The following PTPRR variants were observed in gnomAD, a reference collection of about 807,000 sequenced individuals.
The protein encoded by PTPRR is protein tyrosine phosphatase receptor type R.
Under a neutral mutation model 77.2 loss-of-function variants are expected in PTPRR, and 38 were observed. The observed-to-expected ratio is 0.49, with a 90% CI of 0.38 to 0.65. The LOEUF (loss-of-function observed/expected upper bound fraction) is 0.65. PTPRR is among the 30% of genes least tolerant of loss of function. The pLI is 0.00. For missense variants in PTPRR, 744 were observed against 799.2 expected, an observed-to-expected ratio of 0.93 and a Z score of 0.83; for synonymous variants, 299 against 283.1, an observed-to-expected ratio of 1.06 and a Z score of -0.57.
At chr12:70,837,072 A>G (rs1330863679) in intron 2 of PTPRR, among the ~76,000 whole-genome samples, 6 of 152,112 alleles carry the variant, frequency 3.9e-5, no homozygotes, top group Admixed American at 3.3e-4. Context: ...GTTAAGGTCA[A>G]TGAAGCCAGA....
At chr12:70,716,845 C>T (rs933111097) in intron 6 of PTPRR, among the ~76,000 whole-genome samples, 2 of 152,102 alleles carry the variant, frequency 1.3e-5, no homozygotes, top group Non-Finnish European at 2.9e-5. Flanking sequence ...AGTCCCTGTC[C>T]CATAAAATAA....
At chr12:70,719,093 A>G (rs1889143330) in intron 6 of PTPRR, among the ~76,000 whole-genome samples, 2 of 152,178 alleles carry the variant, frequency 1.3e-5, no homozygotes, top group Non-Finnish European at 2.9e-5. Flanking sequence ...ACAAATTCCC[A>G]AAGTTCTTCA....
chr12:70,686,175 A>G (rs1441932813), intron 8 of PTPRR, among the ~76,000 whole-genome samples: 3 of 152,200 alleles, frequency 2.0e-5, no homozygotes, highest in Non-Finnish European at 4.4e-5. Flanking sequence ...ATATTTTTTT[A>G]GTAACACACT....
chr12:70,685,349 C>T (rs961434582), intron 8 of PTPRR, among the ~76,000 whole-genome samples: 14 of 151,746 alleles, frequency 9.2e-5, no homozygotes, highest in Non-Finnish European at 1.9e-4. Context: ...TAAAGATAAA[C>T]ATGATTCATT....
intron 1 of PTPRR, among the ~76,000 whole-genome samples, chr12:70,918,507 G>T (rs1893807051): frequency 6.6e-6 from 1 of 152,122 alleles, no homozygotes. Context: ...CCCTTTGGCA[G>T]AACTCCAGGT....
rs1290926956 is a variant in PTPRR, at chr12:70,754,296, A to T, written c.633T>A (p.Asn211Lys). 1.3e-5 allele frequency: 21 copies of T among 1,613,080 alleles called. No individual in the cohort carries two copies. The highest frequency in any genetic ancestry group is 1.8e-5 in the Non-Finnish European group (21 of 1,179,662). ...CCGCTTCATGCTGCCCTTGTAAAAC[A>T]TTTTTCTTTAAAAGCAAAACAGAAA... is the stretch of plus-strand genomic sequence containing the variant. Reference protein sequence around the residue: ...FGITEVSPEKNVLQGQHEADK... With the variant: ...FGITEVSPEKKVLQGQHEADK... Residue 211 changes from asparagine (N) to lysine (K), a missense_variant, in exon 5 of 14, where the codon AAT becomes AAA. By Grantham distance (94) the Asn-to-Lys change is moderately conservative. Around this residue, in one of 3 missense-constraint regions of PTPRR, gnomAD observed 570 missense variants for 573.2 expected, o/e 0.99. Coordinates refer to ENST00000283228, the MANE Select transcript of PTPRR (RefSeq NM_002849.4).
intron 6 of PTPRR, among the ~76,000 whole-genome samples, chr12:70,717,403 T>G (rs1889072153): frequency 6.6e-6 from 1 of 152,142 alleles, no homozygotes; most frequent in South Asian, 2.1e-4. Context: ...ACCAGTGACA[T>G]TTCATTCTGA....
chr12:70,829,266 A>AAATG (rs1206693876), intron 2 of PTPRR, among the ~76,000 whole-genome samples: 13 of 152,046 alleles, frequency 8.6e-5, no homozygotes, highest in Admixed American at 7.2e-4. Flanking sequence ...ATAAATAAAT[A>AAATG]AATAAATAAA....
intron 12 of PTPRR, among the ~76,000 whole-genome samples, chr12:70,659,274 G>A (rs1210800558): frequency 3.3e-5 from 5 of 152,052 alleles, no homozygotes; most frequent in African/African-American, 7.2e-5. Flanking sequence ...CCATGGTGGC[G>A]GTGAGAGCAT....
chr12:70,687,265 T>C (rs1359838307), intron 8 of PTPRR, among the ~76,000 whole-genome samples: 1 of 151,290 alleles, frequency 6.6e-6, no homozygotes, highest in East Asian at 1.9e-4. Flanking sequence ...GTTGAAAATA[T>C]ATAGTAAAAT....
At chr12:70,786,664 T>C (rs747965262) in intron 2 of PTPRR, among the ~76,000 whole-genome samples, 2 of 152,338 alleles carry the variant, frequency 1.3e-5, no homozygotes, top group Non-Finnish European at 2.9e-5. Flanking sequence ...AAGTGTGTTA[T>C]ACATTTCCTT....
chr12:70,704,282 G>A (rs1424018746), intron 6 of PTPRR, among the ~76,000 whole-genome samples: 1 of 152,012 alleles, frequency 6.6e-6, no homozygotes. Context: ...GCTAAGTGTT[G>A]TGGTGCTTGC....
chr12:70,671,885 C>T (rs1288008466), intron 10 of PTPRR: 8 of 704,262 alleles, frequency 1.1e-5, no homozygotes, highest in South Asian at 1.8e-5. Flanking sequence ...ACTAACCCAG[C>T]GCAGGAGGAC....
In PTPRR at chr12:70,811,853, A is replaced by G. The variant is rs532261896; in HGVS notation, c.358-47075T>C. Among the ~76,000 whole-genome samples the G allele has an allele frequency of 4.7e-4, 71 of 152,318 alleles. No individual in the cohort carries two copies. In the South Asian group the frequency reaches 0.015, roughly 31 times the overall value. ...TAAGGCCCAATTCTACTGCTAAAAC[A>G]TTATTCATTGTGTTTTCTTGTACAG... On this transcript the variant is annotated intron_variant, in intron 2 of 13. Transcript: ENST00000283228.
At chr12:70,780,859 G>A (rs1431564558) in intron 2 of PTPRR, among the ~76,000 whole-genome samples, 1 of 152,120 alleles carries the variant, frequency 6.6e-6, no homozygotes, top group Admixed American at 6.6e-5. Flanking sequence ...AAGATAGTGG[G>A]GCATGTGCAG....
intron 2 of PTPRR, among the ~76,000 whole-genome samples, chr12:70,834,106 A>G (rs1039501713): frequency 1.3e-5 from 2 of 152,166 alleles, no homozygotes; most frequent in African/African-American, 4.8e-5. Flanking sequence ...GGCACCAGAG[A>G]CACCTTTGCT....
rs550722217 is a variant in PTPRR, at chr12:70,703,848, C to CTCT, written c.1008-2528_1008-2526dup. Among the ~76,000 whole-genome samples the CTCT allele has an allele frequency of 2.4e-3, 372 of 152,240 alleles. 3 individuals carry two copies. The highest frequency in any genetic ancestry group is 8.5e-3 in the African/African-American group (353 of 41,540). On this transcript the variant is annotated intron_variant, in intron 6 of 13. Coordinates refer to ENST00000283228, the MANE Select transcript of PTPRR (RefSeq NM_002849.4). Reference sequence around the variant, plus strand: ...ATGCTTGTGCTATAGATGGTGAGATCTCTTCCATCTGGAGTGGTCAGAGCA... The same window carrying CTCT: ...ATGCTTGTGCTATAGATGGTGAGATCTCTTCTTCCATCTGGAGTGGTCAGAGCA...
intron 10 of PTPRR, chr12:70,673,053 A>G: frequency 8.4e-7 from 1 of 1,189,670 alleles, no homozygotes. Flanking sequence ...AAAAAAAGAA[A>G]GAAAGAAAGA....
intron 2 of PTPRR, among the ~76,000 whole-genome samples, chr12:70,887,994 A>G (rs7971473): frequency 0.68 from 103,756 of 151,906 alleles, 36,420 homozygotes; most frequent in African/African-American, 0.85. Context: ...CAATGGCAAT[A>G]AGAAGGCAGT....
Sources: allele counts gnomAD v4.1 joint callset (sites outside exome capture counted in the v4.1 genomes callset), GRCh38; gene constraint gnomAD v4.1.1; regional missense constraint gnomAD v4.1.1; transcripts MANE v1.5; gene names NCBI Gene and HGNC (gene_info 2026-07-23, HGNC 2026-07-21).